The following GRIK1 variants were observed in gnomAD, a reference collection of about 807,000 sequenced individuals.
GRIK1 encodes glutamate ionotropic receptor kainate type subunit 1.
In GRIK1, 69 loss-of-function variants were observed where a neutral mutation model predicts 105.7. That is an observed-to-expected ratio of 0.65 (90% CI 0.54 to 0.80). The LOEUF is 0.80. GRIK1 is among the 30% of genes least tolerant of loss of function. The pLI, the probability that GRIK1 is intolerant of heterozygous loss-of-function variation, is 0.00. For synonymous variants in GRIK1, 438 were observed against 431.3 expected (o/e 1.02, Z -0.19); for missense variants, 1,109 against 1,167.3 (o/e 0.95, Z 0.73).
At chr21:29,903,917 A>C (rs1389508428) in intron 1 of GRIK1, among the ~76,000 whole-genome samples, 1 of 152,248 alleles carries the variant, frequency 6.6e-6, no homozygotes, top group Non-Finnish European at 1.5e-5. Context: ...AATGTGGCAC[A>C]TATACACCAT....
At chr21:29,850,690 C>G in intron 1 of GRIK1, among the ~76,000 whole-genome samples, 1 of 152,294 alleles carries the variant, frequency 6.6e-6, no homozygotes, top group Middle Eastern at 3.4e-3. Context: ...AGCAATGTAC[C>G]AGGCACATAA....
At chr21:29,920,712 T>C (rs1005973319) in intron 1 of GRIK1, among the ~76,000 whole-genome samples, 4 of 152,136 alleles carry the variant, frequency 2.6e-5, no homozygotes, top group Admixed American at 1.3e-4. Flanking sequence ...CTCATGAAGC[T>C]TGGAGAGCCA....
chr21:29,709,431 C>A (rs1353465134), intron 1 of GRIK1, among the ~76,000 whole-genome samples: 2 of 151,908 alleles, frequency 1.3e-5, no homozygotes, highest in Non-Finnish European at 2.9e-5. Context: ...CAGGTGCCCG[C>A]CACCATGCCC....
chr21:29,655,259 T>C (rs1025565502), intron 4 of GRIK1, among the ~76,000 whole-genome samples: 1 of 152,022 alleles, frequency 6.6e-6, no homozygotes, highest in African/African-American at 2.4e-5. Flanking sequence ...AAATACAAAA[T>C]TAGCTGGGCG....
chr21:29,890,690 A>T lies in GRIK1; in HGVS notation c.118+48693T>A, dbSNP rs564628580. Among the ~76,000 whole-genome samples the T allele has an allele frequency of 7.2e-5, 11 of 152,296 alleles. No individual in the cohort carries two copies. In the South Asian group the frequency reaches 2.1e-3, roughly 29 times the overall value. Reference sequence around the variant, plus strand: ...TAACAGGAAGTGCCAATCTGGTCAAAGTCATCAGGTTCTCCAGAAATTTAT... The same window carrying T: ...TAACAGGAAGTGCCAATCTGGTCAATGTCATCAGGTTCTCCAGAAATTTAT... On this transcript the variant is annotated intron_variant, in intron 1 of 17. Coordinates refer to ENST00000327783, the MANE Select transcript of GRIK1 (RefSeq NM_001330994.2).
At chr21:29,828,042 T>A (rs1657055713) in intron 1 of GRIK1, among the ~76,000 whole-genome samples, 1 of 151,786 alleles carries the variant, frequency 6.6e-6, no homozygotes, top group African/African-American at 2.4e-5. Context: ...TGTGGGTGTG[T>A]GTCTAATGAA....
chr21:29,771,720 C>T (rs1426683579), intron 1 of GRIK1, among the ~76,000 whole-genome samples: 1 of 152,222 alleles, frequency 6.6e-6, no homozygotes, highest in African/African-American at 2.4e-5. Context: ...GTGACATTCC[C>T]TTGTTGAGAA....
chr21:29,782,128 C>G (rs2066131483), intron 1 of GRIK1, among the ~76,000 whole-genome samples: 2 of 150,206 alleles, frequency 1.3e-5, no homozygotes, highest in African/African-American at 4.9e-5. Context: ...GCTGTGTCGC[C>G]CAGGCTGGAG....
intron 1 of GRIK1, among the ~76,000 whole-genome samples, chr21:29,744,579 C>T (rs77768867): frequency 2.1e-4 from 32 of 149,212 alleles, no homozygotes; most frequent in Non-Finnish European, 3.4e-4. Context: ...TTTTTTTTTC[C>T]TCCCTGGAAT....
chr21:29,786,177 T>A (rs1467164810), intron 1 of GRIK1, among the ~76,000 whole-genome samples: 1 of 152,160 alleles, frequency 6.6e-6, no homozygotes, highest in Non-Finnish European at 1.5e-5. Flanking sequence ...TTAGTAGAGA[T>A]GGGGTTTCCC....
chr21:29,813,520 A>T (rs1353548325), intron 1 of GRIK1, among the ~76,000 whole-genome samples: 1 of 152,164 alleles, frequency 6.6e-6, no homozygotes, highest in Non-Finnish European at 1.5e-5. Context: ...TTTCACACAC[A>T]TTTTTTGTAT....
intron 1 of GRIK1, among the ~76,000 whole-genome samples, chr21:29,779,539 T>C (rs1413530432): frequency 6.6e-6 from 1 of 152,122 alleles, no homozygotes; most frequent in African/African-American, 2.4e-5. Context: ...AAAGTTAATG[T>C]GTCATTTCTG....
intron 6 of GRIK1, among the ~76,000 whole-genome samples, chr21:29,649,453 C>T (rs149566148): frequency 0.017 from 2,521 of 152,162 alleles, 34 homozygotes; most frequent in Middle Eastern, 0.037. Flanking sequence ...GTTGGGATGA[C>T]AGTAAAAATC....
chr21:29,858,280 A>T (rs771698105), intron 1 of GRIK1, among the ~76,000 whole-genome samples: 7 of 151,972 alleles, frequency 4.6e-5, no homozygotes, highest in Non-Finnish European at 8.8e-5. Flanking sequence ...ATGAAGAATG[A>T]CCCTCTCTCC....
At chr21:29,893,402 A>C (rs2069981043) in intron 1 of GRIK1, among the ~76,000 whole-genome samples, 1 of 152,242 alleles carries the variant, frequency 6.6e-6, no homozygotes, top group African/African-American at 2.4e-5. Flanking sequence ...AATGGTGTAC[A>C]ATCTGGAGCC....
intron 1 of GRIK1, among the ~76,000 whole-genome samples, chr21:29,886,602 G>T (rs956515476): frequency 1.3e-5 from 2 of 152,122 alleles, no homozygotes; most frequent in Non-Finnish European, 2.9e-5. Context: ...AAAGTATCTT[G>T]TTGTGTGTAC....
At chr21:29,864,341 T>G (rs2068738018) in intron 1 of GRIK1, among the ~76,000 whole-genome samples, 2 of 152,256 alleles carry the variant, frequency 1.3e-5, no homozygotes, top group South Asian at 4.1e-4. Context: ...TTCCTCTCTC[T>G]CTGTCTCATT....
chr21:29,819,974 T>G (rs1159021141), intron 1 of GRIK1, among the ~76,000 whole-genome samples: 3 of 152,020 alleles, frequency 2.0e-5, no homozygotes, highest in Non-Finnish European at 4.4e-5. Context: ...CTAGGCGTTC[T>G]GTTTTTTAAC....
rs551008678 is a variant in GRIK1 at position 29,842,104 on chromosome 21, C to T, written c.118+97279G>A. Among the ~76,000 whole-genome samples, 20 of 152,226 alleles carry T rather than the reference C, an allele frequency of 1.3e-4. No homozygotes were observed. In the South Asian group the frequency reaches 1.9e-3, roughly 14 times the overall value. ...TCACTAGTGTGATCTGCCAAAAATA[C>T]GTAATGCATTACAAAGCCAATTATA... is the stretch of plus-strand genomic sequence containing the variant. On this transcript the variant is annotated intron_variant, in intron 1 of 17. Coordinates refer to ENST00000327783, the MANE Select transcript of GRIK1 (RefSeq NM_001330994.2).
Sources: gnomAD v4.1 joint callset for allele counts (sites outside exome capture counted in the v4.1 genomes callset) on GRCh38, gnomAD v4.1.1 for gene constraint, MANE v1.5 for transcripts, NCBI Gene and HGNC (gene_info 2026-07-23, HGNC 2026-07-21) for gene names.